RYK: variants seen among roughly 807,000 people sequenced by gnomAD.
RYK encodes inactive tyrosine-protein kinase RYK.
A neutral mutation model predicts 70.2 loss-of-function variants in RYK; 21 were observed. The ratio of observed to expected loss-of-function variants is 0.30; its 90% CI spans 0.21 to 0.43. RYK has a LOEUF of 0.43. Among genes scored for constraint, RYK ranks in the 20% least tolerant of loss-of-function variants. The pLI is 1.00. For missense variants in RYK, 604 were observed against 753.3 expected, an observed-to-expected ratio of 0.80 and a Z score of 2.32; for synonymous variants, 267 against 278.0, an observed-to-expected ratio of 0.96 and a Z score of 0.39.
chr3:134,191,116 G>A (rs546493044), intron 8 of RYK, among the ~76,000 whole-genome samples: 66 of 152,332 alleles, frequency 4.3e-4, no homozygotes, highest in African/African-American at 1.6e-3. Flanking sequence ...CTGAATTACA[G>A]TGGAGGTAAA....
intron 1 of RYK, among the ~76,000 whole-genome samples, chr3:134,247,887 T>C (rs2015506771): frequency 1.3e-5 from 2 of 152,340 alleles, no homozygotes; most frequent in East Asian, 1.9e-4. Flanking sequence ...TAATGGTTCG[T>C]TTCCTATGCC....
intron 9 of RYK, among the ~76,000 whole-genome samples, chr3:134,186,461 A>G (rs1201631180): frequency 6.6e-6 from 1 of 152,260 alleles, no homozygotes; most frequent in Non-Finnish European, 1.5e-5. Flanking sequence ...GGCTACAACT[A>G]AAACCATAAA....
rs1421874424 is a variant in RYK at position 134,157,230 on chromosome 3, T to G, written c.*923A>C. ...AAGCACAAAATTTACCAGTTTACATTTAAAAAACAAACAAAAAACGACAAC... is the reference window on the plus strand; with the variant it reads ...AAGCACAAAATTTACCAGTTTACATGTAAAAAACAAACAAAAAACGACAAC... On this transcript the variant is annotated 3_prime_UTR_variant, in exon 15 of 15. Transcript: ENST00000623711. 6.6e-6 allele frequency: 1 copy of G among 152,670 alleles called. No individual in the cohort carries two copies. The highest frequency in any genetic ancestry group is 2.4e-5 in the African/African-American group (1 of 41,456). The allele number at this position is 152,670 out of a possible 1,614,324, so 9.5% of individuals were successfully genotyped here. A position where few individuals can be genotyped will look rare whatever the true frequency, so the allele number is the denominator to read the frequency against.
chr3:134,193,895 G>C (rs909637503), intron 7 of RYK, among the ~76,000 whole-genome samples: 1 of 152,122 alleles, frequency 6.6e-6, no homozygotes, highest in Non-Finnish European at 1.5e-5. Context: ...TAACTTGTAG[G>C]GGGTGCAGCA....
intron 13 of RYK, among the ~76,000 whole-genome samples, chr3:134,169,327 G>A (rs2012811232): frequency 1.3e-5 from 2 of 152,046 alleles, no homozygotes; most frequent in Admixed American, 1.3e-4. Flanking sequence ...GCAGAATTAC[G>A]TTAGCTACTA....
chr3:134,244,133 C>T (rs1456689016), intron 1 of RYK, among the ~76,000 whole-genome samples: 1 of 152,076 alleles, frequency 6.6e-6, no homozygotes, highest in African/African-American at 2.4e-5. Flanking sequence ...GGAGATGGGG[C>T]CTCTTCCCAA....
chr3:134,242,353 T>C lies in RYK; in HGVS notation c.232+8070A>G, dbSNP rs114417779. Among the ~76,000 whole-genome samples the C allele has an allele frequency of 9.3e-3, 1,411 of 151,830 alleles. 20 individuals carry two copies. The highest frequency in any genetic ancestry group is 0.032 in the African/African-American group (1,337 of 41,428). ...TGAGACCTATGAAATCCACTCAGCA[T>C]TATCACTGCTGAACACACAAAAAGA... is the stretch of plus-strand genomic sequence containing the variant. On this transcript the variant is annotated intron_variant, in intron 1 of 14. Transcript: ENST00000623711.
At position 134,175,508 on chromosome 3, in the gene RYK, T is replaced by C. The variant is rs1012449681; in HGVS notation, c.1575+101A>G. The stretch of plus-strand genomic sequence containing the variant: ...CTGGATAAAAATTTCCGGGAACAGC[T>C]AGCAGATTTTTTAAAAACCCAAAAG... On this transcript the variant is annotated intron_variant, in intron 13 of 14. Transcript: ENST00000623711. 4.3e-6 allele frequency: 6 copies of C among 1,381,732 alleles called. No homozygotes were observed. The Admixed American group carries it at 8.7e-5, about 20-fold the overall frequency. 85.6% of individuals were successfully genotyped at this position (1,381,732 alleles called of 1,614,324 possible).
intron 9 of RYK, among the ~76,000 whole-genome samples, chr3:134,187,062 T>C (rs1213293922): frequency 6.6e-6 from 1 of 152,230 alleles, no homozygotes; most frequent in Non-Finnish European, 1.5e-5. Context: ...ATATTACCCT[T>C]TAAAAGTGTT....
At chr3:134,162,545 T>C (rs946347988) in intron 13 of RYK, among the ~76,000 whole-genome samples, 1 of 152,166 alleles carries the variant, frequency 6.6e-6, no homozygotes, top group African/African-American at 2.4e-5. Flanking sequence ...AAATTTCCCT[T>C]ACACCTACTG....
chr3:134,200,892 A>G (rs1001324572), intron 6 of RYK, among the ~76,000 whole-genome samples: 3 of 152,270 alleles, frequency 2.0e-5, no homozygotes, highest in Admixed American at 6.5e-5. Context: ...TGAAAACTAA[A>G]GAGAACTGGA....
chr3:134,209,684 A>C lies in RYK; in HGVS notation c.589+11T>G, dbSNP rs777058441. The C allele has an allele frequency of 6.9e-7, 1 of 1,440,960 alleles. No individual in the cohort carries two copies. The allele number at this position is 1,440,960 out of a possible 1,614,324, so 89.3% of individuals were successfully genotyped here. Reference sequence around the variant, plus strand: ...ACATGTAAAACATATTTTGGTAAATAAATTCCTTACTTTTGTAGCACATTT... The same window carrying C: ...ACATGTAAAACATATTTTGGTAAATCAATTCCTTACTTTTGTAGCACATTT... On this transcript the variant is annotated intron_variant, in intron 4 of 14. Coordinates refer to ENST00000623711, the MANE Select transcript of RYK (RefSeq NM_002958.4).
intron 7 of RYK, among the ~76,000 whole-genome samples, chr3:134,192,950 G>A (rs1287074249): frequency 2.6e-5 from 4 of 152,020 alleles, no homozygotes; most frequent in Non-Finnish European, 5.9e-5. Flanking sequence ...GATCTGTTGC[G>A]TTGTTATCTT....
At position 134,224,537 on chromosome 3, in the gene RYK, C is replaced by A. The variant is rs939082648; in HGVS notation, c.233-1998G>T. 2.0e-5 allele frequency among the ~76,000 whole-genome samples: 3 copies of A among 152,174 alleles called. No homozygotes were observed. In the South Asian group the frequency reaches 6.2e-4, roughly 32 times the overall value. Reference sequence around the variant, plus strand: ...GTTTAGGCCTCCAGATGGCTGCGGGCGGGCCTGACTCATGTCAGGCCTTCC... The same window carrying A: ...GTTTAGGCCTCCAGATGGCTGCGGGAGGGCCTGACTCATGTCAGGCCTTCC... On this transcript the variant is annotated intron_variant, in intron 1 of 14. Transcript: ENST00000623711.
intron 2 of RYK, among the ~76,000 whole-genome samples, chr3:134,214,838 G>A (rs559166064): frequency 4.6e-5 from 7 of 152,158 alleles, no homozygotes; most frequent in South Asian, 2.1e-4. Flanking sequence ...TCAACACCCC[G>A]GCAGATCTAT....
rs571532858 is a variant in RYK, at chr3:134,159,344, G to C, written c.1605C>G (p.Leu535=). The change falls in exon 14 of 15, where the codon CTC becomes CTG. Residue 535 remains leucine, a synonymous_variant. Transcript: ENST00000623711. ...VWAFGVTLWE[L]MTLGQTPYVD... ...CGTAGGGAGTCTGGCCCAGAGTCAT[G>C]AGTTCCCACAGCGTCACTCCAAAGG... 6.2e-7 allele frequency: 1 copy of C among 1,613,418 alleles called. No homozygotes were observed. The highest frequency in any genetic ancestry group is 1.3e-5 in the African/African-American group (1 of 75,022).
intron 9 of RYK, among the ~76,000 whole-genome samples, chr3:134,185,782 T>C (rs191704299): frequency 1.3e-5 from 2 of 152,324 alleles, no homozygotes; most frequent in East Asian, 3.9e-4. Flanking sequence ...GGTAAGGAGA[T>C]CTAAGTACAA....
chr3:134,181,187 T>A (rs2013282372), intron 10 of RYK: 3 of 152,328 alleles, frequency 2.0e-5, no homozygotes, highest in Middle Eastern at 3.4e-3. Context: ...AAGTAATAGG[T>A]TAACATTATA....
intron 1 of RYK, among the ~76,000 whole-genome samples, chr3:134,236,767 A>G (rs1378698567): frequency 6.6e-6 from 1 of 152,208 alleles, no homozygotes; most frequent in Non-Finnish European, 1.5e-5. Flanking sequence ...AGAAAGTTAC[A>G]TATTTTGGGC....
Sources: allele counts gnomAD v4.1 joint callset (sites outside exome capture counted in the v4.1 genomes callset), GRCh38; gene constraint gnomAD v4.1.1; transcripts MANE v1.5; gene names NCBI Gene and HGNC (gene_info 2026-07-23, HGNC 2026-07-21).